Variants in OR2L13 observed in about 807,000 individuals in gnomAD.
OR2L13 encodes the protein olfactory receptor 2L13.
A neutral mutation model predicts 15.3 loss-of-function variants in OR2L13; 14 were observed. The ratio of observed to expected loss-of-function variants is 0.91; its 90% confidence interval spans 0.60 to 1.43. OR2L13 has a LOEUF of 1.43. Among genes scored for constraint, OR2L13 ranks in the 40% most tolerant of loss-of-function variants. OR2L13 has a pLI of 0.00. For synonymous variants in OR2L13, 152 were observed against 142.9 expected, an observed-to-expected ratio of 1.06 and a Z score of -0.45; for missense variants, 367 against 387.9, an observed-to-expected ratio of 0.95 and a Z score of 0.45.
chr1:248,024,667 C>A, the OR2L13 span, among the ~76,000 whole-genome samples: 1 of 152,130 alleles, frequency 6.6e-6, no homozygotes, highest in African/African-American at 2.4e-5. Context: ...ATAGGGAATC[C>A]TTTCCCCATT....
At chr1:247,999,215 A>G in the OR2L13 span, among the ~76,000 whole-genome samples, 1 of 152,180 alleles carries the variant, frequency 6.6e-6, no homozygotes, top group African/African-American at 2.4e-5. Context: ...ATTTGATTTA[A>G]TTTTAAATGG....
At chr1:247,995,687 C>T in the OR2L13 span, among the ~76,000 whole-genome samples, 9 of 152,100 alleles carry the variant, frequency 5.9e-5, no homozygotes, top group South Asian at 2.1e-4. Flanking sequence ...CAATATTCAT[C>T]GGAATGATTT....
chr1:247,938,124 T>C, the OR2L13 span, among the ~76,000 whole-genome samples: 2 of 152,132 alleles, frequency 1.3e-5, no homozygotes, highest in African/African-American at 4.8e-5. Flanking sequence ...AAGCAATTAT[T>C]ATATATTAAT....
the OR2L13 span, among the ~76,000 whole-genome samples, chr1:248,008,378 A>C: frequency 6.6e-6 from 1 of 152,060 alleles, no homozygotes. Context: ...TGGACTTCAT[A>C]CTCTTGTGAA....
At chr1:248,061,557 G>C in the OR2L13 span, 2 of 1,613,642 alleles carry the variant, frequency 1.2e-6, no homozygotes, top group Non-Finnish European at 1.7e-6. Context: ...ATAGCCTGAG[G>C]AACAAGGAGG....
the OR2L13 span, among the ~76,000 whole-genome samples, chr1:248,076,257 G>A: frequency 6.6e-6 from 1 of 151,798 alleles, no homozygotes; most frequent in African/African-American, 2.4e-5. Context: ...TAGCTTTGTA[G>A]TATAATTTGA....
the OR2L13 span, among the ~76,000 whole-genome samples, chr1:248,074,091 C>A: frequency 6.6e-6 from 1 of 151,890 alleles, no homozygotes; most frequent in African/African-American, 2.4e-5. Context: ...ACATGTTTGA[C>A]AAAATACTTT....
At chr1:247,980,544 GTTTC>G in the OR2L13 span, among the ~76,000 whole-genome samples, 1 of 152,050 alleles carries the variant, frequency 6.6e-6, no homozygotes, top group African/African-American at 2.4e-5. Context: ...AAACATAATT[GTTTC>G]TTTTCCCAGT....
At chr1:248,021,506 T>C in the OR2L13 span, among the ~76,000 whole-genome samples, 1 of 152,292 alleles carries the variant, frequency 6.6e-6, no homozygotes, top group African/African-American at 2.4e-5. Context: ...CTTCATAAAT[T>C]ATCAGTTGGA....
At chr1:248,038,190 G>T in the OR2L13 span, 1 of 1,023,104 alleles carries the variant, frequency 9.8e-7, no homozygotes, top group East Asian at 2.4e-5. Flanking sequence ...TTGTAATGCA[G>T]CCACTGTGGA....
At chr1:247,996,599 G>GTA in the OR2L13 span, among the ~76,000 whole-genome samples, 1 of 152,164 alleles carries the variant, frequency 6.6e-6, no homozygotes, top group Non-Finnish European at 1.5e-5. Flanking sequence ...TATTTCAGGA[G>GTA]TAAGTTGCTG....
At chr1:247,998,318 A>G in the OR2L13 span, among the ~76,000 whole-genome samples, 1 of 152,146 alleles carries the variant, frequency 6.6e-6, no homozygotes, top group African/African-American at 2.4e-5. Context: ...GGTGATGATC[A>G]ATGGAAGAGA....
chr1:248,006,284 TG>T, the OR2L13 span, among the ~76,000 whole-genome samples: 3 of 141,524 alleles, frequency 2.1e-5, no homozygotes, highest in African/African-American at 8.7e-5. Context: ...TGTGTGTGTG[TG>T]TTTGTGTGCA....
the OR2L13 span, among the ~76,000 whole-genome samples, chr1:248,000,586 G>A: frequency 1.3e-5 from 2 of 151,888 alleles, no homozygotes; most frequent in African/African-American, 4.8e-5. Context: ...GCAGCTTTTG[G>A]AGAATTGTAA....
At chr1:248,010,266 C>A in the OR2L13 span, among the ~76,000 whole-genome samples, 1 of 152,016 alleles carries the variant, frequency 6.6e-6, no homozygotes, top group East Asian at 1.9e-4. Context: ...TTTAGGGAAC[C>A]GCATAGTCTC....
the OR2L13 span, among the ~76,000 whole-genome samples, chr1:247,956,919 A>T: frequency 1.3e-5 from 2 of 152,080 alleles, no homozygotes; most frequent in Non-Finnish European, 2.9e-5. Flanking sequence ...CTCTTTTCCC[A>T]GTTGAATCCC....
At chr1:248,024,220 G>T in the OR2L13 span, 2 of 151,950 alleles carry the variant, frequency 1.3e-5, no homozygotes, top group African/African-American at 4.8e-5. Flanking sequence ...CCTTGCCCAA[G>T]AATTTGTAAT....
At chr1:248,069,883 A>G in the OR2L13 span, among the ~76,000 whole-genome samples, 1 of 152,230 alleles carries the variant, frequency 6.6e-6, no homozygotes, top group African/African-American at 2.4e-5. Flanking sequence ...AAAGAAGGCC[A>G]TCACATAATG....
chr1:248,035,166 C>G, the OR2L13 span, among the ~76,000 whole-genome samples: 1 of 151,410 alleles, frequency 6.6e-6, no homozygotes. Flanking sequence ...AAGTGTCACT[C>G]TTGGCCAGGC....
Sources: gnomAD v4.1 joint callset for allele counts (sites outside exome capture counted in the v4.1 genomes callset) on GRCh38, gnomAD v4.1.1 for gene constraint, MANE v1.5 for transcripts, NCBI Gene and HGNC (gene_info 2026-07-23, HGNC 2026-07-21) for gene names.